CALN1: variants seen among roughly 807,000 people sequenced by gnomAD.
CALN1 encodes the protein calcium-binding protein 8.
In CALN1, 17 loss-of-function variants were observed where a neutral mutation model predicts 30.6. The ratio of observed to expected loss-of-function variants is 0.56; its 90% CI spans 0.38 to 0.83. The LOEUF is 0.83. Ranked by LOEUF, CALN1 falls within the 40% of genes least tolerant of loss-of-function variation. The pLI is 0.00. For missense variants in CALN1, 291 were observed against 354.9 expected, an observed-to-expected ratio of 0.82 and a Z score of 1.45; for synonymous variants, 156 against 131.4, an observed-to-expected ratio of 1.19 and a Z score of -1.28.
At chr7:71,806,723 C>G (rs1020855614) in intron 6 of CALN1, among the ~76,000 whole-genome samples, 7 of 152,024 alleles carry the variant, frequency 4.6e-5, no homozygotes, top group Admixed American at 3.9e-4. Context: ...CTGAAGGACC[C>G]CCCCCCAGGG....
intron 6 of CALN1, among the ~76,000 whole-genome samples, chr7:71,788,484 TTTTG>T (rs1793108686): frequency 7.0e-6 from 1 of 142,608 alleles, no homozygotes; most frequent in African/African-American, 2.8e-5. Context: ...AGAGGTTTTT[TTTTG>T]TTGTTTTTTT....
chr7:72,210,528 G>A (rs1306409174), intron 3 of CALN1, among the ~76,000 whole-genome samples: 3 of 152,020 alleles, frequency 2.0e-5, no homozygotes, highest in Admixed American at 6.6e-5. Flanking sequence ...AGCATGGCTG[G>A]GGAGGCCTCA....
At chr7:72,150,094 T>C (rs1585044086) in intron 3 of CALN1, among the ~76,000 whole-genome samples, 1 of 140,132 alleles carries the variant, frequency 7.1e-6, no homozygotes, top group Admixed American at 7.5e-5. Context: ...CACACTACAC[T>C]CCAGCCTAGG....
chr7:72,105,834 G>A (rs1807065180), intron 4 of CALN1, among the ~76,000 whole-genome samples: 1 of 109,018 alleles, frequency 9.2e-6, no homozygotes, highest in Non-Finnish European at 1.9e-5. Flanking sequence ...GAGGGGGATA[G>A]GGATGGGGAT....
At position 71,785,642 on chromosome 7, in the gene CALN1, C is replaced by T. The variant is rs1045095464; in HGVS notation, c.*2133G>A. On this transcript the variant is annotated 3_prime_UTR_variant, in exon 7 of 7. Coordinates refer to ENST00000395275, the MANE Select transcript of CALN1 (RefSeq NM_031468.4). ...CAGGGAAAAACAGGAAAGTATATCC[C>T]TTCAAGATCTGCTATGCCCTCCCAT... 5.9e-5 allele frequency: 9 copies of T among 152,260 alleles called. No individual in the cohort carries two copies. Among genetic ancestry groups the T allele is most frequent in the African/African-American group, 2.2e-4 (9 of 41,458 alleles). The allele number at this position is 152,260 out of a possible 1,614,324, so 9.4% of individuals were successfully genotyped here. A position where few individuals can be genotyped will look rare whatever the true frequency, so the allele number is the denominator to read the frequency against.
chr7:72,368,203 G>A (rs943974218), intron 2 of CALN1, among the ~76,000 whole-genome samples: 5 of 150,702 alleles, frequency 3.3e-5, no homozygotes, highest in Admixed American at 1.3e-4. Flanking sequence ...ATATATGTGT[G>A]TGTATATATA....
the CALN1 span, among the ~76,000 whole-genome samples, chr7:72,456,443 C>T: frequency 1.3e-5 from 2 of 152,242 alleles, no homozygotes; most frequent in African/African-American, 4.8e-5. Flanking sequence ...AAAGCTGAGG[C>T]AAGAGGCTTG....
At chr7:72,328,104 A>G (rs1242866311) in intron 2 of CALN1, among the ~76,000 whole-genome samples, 1 of 144,656 alleles carries the variant, frequency 6.9e-6, no homozygotes, top group Middle Eastern at 3.5e-3. Context: ...TATAGCTTTT[A>G]ATTTCTTTTT....
intron 5 of CALN1, among the ~76,000 whole-genome samples, chr7:71,936,852 C>T (rs1446113162): frequency 6.6e-6 from 1 of 151,592 alleles, no homozygotes; most frequent in South Asian, 2.1e-4. Context: ...CCATACTGTT[C>T]TCGTGGTAGT....
intron 3 of CALN1, among the ~76,000 whole-genome samples, chr7:72,149,328 C>G (rs761821340): frequency 6.6e-6 from 1 of 151,820 alleles, no homozygotes; most frequent in South Asian, 2.1e-4. Flanking sequence ...ATTAGCTGGG[C>G]GTGGTGGCAG....
At chr7:72,299,906 G>C (rs910760547) in intron 2 of CALN1, among the ~76,000 whole-genome samples, 2 of 151,668 alleles carry the variant, frequency 1.3e-5, no homozygotes, top group Admixed American at 1.3e-4. Flanking sequence ...TTTGTTTGTT[G>C]TTTTTTTCTG....
intron 3 of CALN1, among the ~76,000 whole-genome samples, chr7:72,108,767 C>A (rs1368530837): frequency 7.1e-6 from 1 of 139,868 alleles, no homozygotes; most frequent in Admixed American, 7.2e-5. Flanking sequence ...ACAGACATAG[C>A]CCAAGTCCCT....
chr7:72,491,061 G>A, the CALN1 span, among the ~76,000 whole-genome samples: 1 of 152,026 alleles, frequency 6.6e-6, no homozygotes, highest in East Asian at 1.9e-4. Context: ...TGGATAACAT[G>A]GTGAAACCCT....
chr7:72,423,498 T>C (rs143323624), intron 1 of CALN1, among the ~76,000 whole-genome samples: 8 of 152,320 alleles, frequency 5.3e-5, no homozygotes, highest in African/African-American at 1.9e-4. Context: ...GCTTTCCAGA[T>C]AACCTCACCC....
At chr7:72,264,909 C>G (rs959570994) in intron 3 of CALN1, among the ~76,000 whole-genome samples, 7 of 152,154 alleles carry the variant, frequency 4.6e-5, no homozygotes, top group African/African-American at 1.7e-4. Context: ...CATCATTTAG[C>G]TCCAGATTAC....
chr7:72,254,777 C>A (rs920535074), intron 3 of CALN1, among the ~76,000 whole-genome samples: 3 of 152,072 alleles, frequency 2.0e-5, no homozygotes, highest in East Asian at 1.9e-4. Flanking sequence ...CTTTCCCCCC[C>A]GCTGAGACAG....
intron 2 of CALN1, among the ~76,000 whole-genome samples, chr7:72,338,339 A>T (rs1802196431): frequency 1.3e-5 from 2 of 152,074 alleles, no homozygotes; most frequent in African/African-American, 2.4e-5. Context: ...CATGTGAAAA[A>T]TTTCACACCA....
At chr7:71,815,134 T>A (rs569658698) in intron 5 of CALN1, among the ~76,000 whole-genome samples, 1 of 152,124 alleles carries the variant, frequency 6.6e-6, no homozygotes, top group South Asian at 2.1e-4. Flanking sequence ...CAACCAGCCT[T>A]GAGTTAATCA....
At chr7:71,885,705 C>A (rs1792861414) in intron 5 of CALN1, among the ~76,000 whole-genome samples, 1 of 152,210 alleles carries the variant, frequency 6.6e-6, no homozygotes, top group South Asian at 2.1e-4. Context: ...CTGAGGTTAG[C>A]ACATAAACTA....
Sources: gnomAD v4.1 joint callset for allele counts (sites outside exome capture counted in the v4.1 genomes callset) on GRCh38, gnomAD v4.1.1 for gene constraint, MANE v1.5 for transcripts, NCBI Gene and HGNC (gene_info 2026-07-23, HGNC 2026-07-21) for gene names.